VIPAS39: variants seen among roughly 807,000 people sequenced by gnomAD.
VIPAS39 encodes the protein spermatogenesis-defective protein 39 homolog.
In VIPAS39, 63 loss-of-function variants were observed where a neutral mutation model predicts 84.7. That is an observed-to-expected ratio of 0.74 (90% CI 0.61 to 0.92). The LOEUF (loss-of-function observed/expected upper bound fraction) is 0.92. VIPAS39 is among the 40% of genes least tolerant of loss of function. The pLI is 0.00. For missense variants in VIPAS39, 499 were observed against 604.5 expected, an observed-to-expected ratio of 0.83 and a Z score of 1.83; for synonymous variants, 192 against 216.5, an observed-to-expected ratio of 0.89 and a Z score of 0.99.
intron 16 of VIPAS39, among the ~76,000 whole-genome samples, chr14:77,431,423 G>C (rs778998368): frequency 2.0e-5 from 3 of 152,168 alleles, no homozygotes; most frequent in Non-Finnish European, 2.9e-5. Context: ...TACATGAAAA[G>C]GTGATCAGTA....
intron 3 of VIPAS39, among the ~76,000 whole-genome samples, chr14:77,451,715 C>T (rs977844948): frequency 6.6e-6 from 1 of 152,076 alleles, no homozygotes; most frequent in African/African-American, 2.4e-5. Context: ...CCATCCATCG[C>T]CACTACCCTC....
At chr14:77,437,959 T>C (rs983399107) in intron 11 of VIPAS39, 78 bp from the exon 12 acceptor site, 7 of 1,466,366 alleles carry the variant, frequency 4.8e-6, no homozygotes, top group African/African-American at 1.4e-5. Flanking sequence ...GAACTTCCCA[T>C]GCTTTAAAAA....
intron 7 of VIPAS39, 22 bp downstream of exon 7, chr14:77,448,472 C>T (rs1406641710): frequency 6.2e-7 from 1 of 1,613,862 alleles, no homozygotes; most frequent in East Asian, 2.2e-5. Flanking sequence ...CAAAGAACCT[C>T]ACAAAAATTC....
At position 77,429,015 on chromosome 14, in the gene VIPAS39, G is replaced by A. The variant is rs747896792; in HGVS notation, c.1347C>T (p.Val449=). Residue 449 remains valine (V), a synonymous_variant, in exon 18 of 20, where the codon GTC becomes GTT. Coordinates refer to ENST00000557658, the MANE Select transcript of VIPAS39 (RefSeq NM_001193315.2). ...NLATKFKCHD[V]VIDTYRDLKD... Reference sequence around the variant, plus strand: ...TTTCTTGGGGACTCACATCAATGACGACATCATGGCACTTGAACTTAGTGG... The same window carrying A: ...TTTCTTGGGGACTCACATCAATGACAACATCATGGCACTTGAACTTAGTGG... The A allele has an allele frequency of 5.4e-5, 87 of 1,613,600 alleles. No homozygotes were observed. Among genetic ancestry groups the A allele is most frequent in the Non-Finnish European group, 6.8e-5 (80 of 1,179,768 alleles).
chr14:77,454,275 T>C (rs1411920837), intron 1 of VIPAS39, among the ~76,000 whole-genome samples, 173 bp from the exon 2 acceptor site: 1 of 152,212 alleles, frequency 6.6e-6, no homozygotes, highest in Non-Finnish European at 1.5e-5. Flanking sequence ...GGTCTCCAAC[T>C]GATCAAATCA....
intron 8 of VIPAS39, among the ~76,000 whole-genome samples, chr14:77,443,561 C>T (rs554269135): frequency 1.3e-5 from 2 of 151,962 alleles, no homozygotes; most frequent in African/African-American, 4.8e-5. Flanking sequence ...TCAGCTTGGG[C>T]AACATAGCAA....
intron 17 of VIPAS39, 145 bp from the exon 18 acceptor site, chr14:77,429,240 T>C: frequency 1.4e-6 from 1 of 724,626 alleles, no homozygotes; most frequent in Non-Finnish European, 2.4e-6. Flanking sequence ...GGACTAGTTC[T>C]GCAATGGGAA....
Position 77,449,339 on chromosome 14 carries a change from G to A in VIPAS39, c.401C>T (p.Ala134Val), listed in dbSNP as rs200635964. 121 of 1,614,030 alleles carry A rather than the reference G, an allele frequency of 7.5e-5. No individual in the cohort carries two copies. Among genetic ancestry groups the A allele is most frequent in the Non-Finnish European group, 1.0e-4 (120 of 1,180,030 alleles). Residue 134 changes from alanine to valine, a missense_variant, in exon 6 of 20, where the codon GCC becomes GTC. Physicochemically the swap from Ala to Val is moderately conservative, Grantham distance 64. Coordinates refer to ENST00000557658, the MANE Select transcript of VIPAS39 (RefSeq NM_001193315.2). ...SLSDALSDTP[A>V]KSYAPELGRP... ...CCCCAGCTCTGGAGCATAGCTTTTGGCAGGTGTGTCTGACAGAGCTGAAAA... is the reference window on the plus strand; with the variant it reads ...CCCCAGCTCTGGAGCATAGCTTTTGACAGGTGTGTCTGACAGAGCTGAAAA...
intron 14 of VIPAS39, 40 bp downstream of exon 14, chr14:77,435,219 G>T: frequency 6.2e-7 from 1 of 1,613,138 alleles, no homozygotes; most frequent in South Asian, 1.1e-5. Flanking sequence ...TTCTTTTTGT[G>T]CAATGAGAGT....
Position 77,445,200 on chromosome 14 carries a change from C to A in VIPAS39, c.505-859G>T, listed in dbSNP as rs147217924. On this transcript the variant is annotated intron_variant, in intron 7 of 19. Coordinates refer to ENST00000557658, the MANE Select transcript of VIPAS39 (RefSeq NM_001193315.2). ...GGTCTTGATCTCCTGACCCCGTGAT[C>A]CACCTGCCTCAGCCTCCCAAGGTGC... 4.9e-3 allele frequency among the ~76,000 whole-genome samples: 740 copies of A among 152,164 alleles called. 7 individuals are homozygous for A. The highest frequency in any genetic ancestry group is 0.017 in the African/African-American group (711 of 41,508).
At chr14:77,444,593 G>A (rs2139834687) in intron 7 of VIPAS39, among the ~76,000 whole-genome samples, 1 of 152,264 alleles carries the variant, frequency 6.6e-6, no homozygotes, top group East Asian at 1.9e-4. Context: ...TTCTTTTTGA[G>A]ACGGAGTCTT....
chr14:77,448,243 C>G (rs1314255247), intron 7 of VIPAS39, among the ~76,000 whole-genome samples: 1 of 152,186 alleles, frequency 6.6e-6, no homozygotes, highest in Non-Finnish European at 1.5e-5. Context: ...CGTGAGCCAC[C>G]ACCCCTGGCC....
chr14:77,427,603 T>C lies in VIPAS39; in HGVS notation c.*13A>G, dbSNP rs780536785. 8 of 1,614,086 alleles carry C rather than the reference T, an allele frequency of 5.0e-6. No homozygotes were observed. The Admixed American group carries it at 1.0e-4, about 20-fold the overall frequency. ...GGAGGAAATGAGGCAGGCTTCAAGG[T>C]AGTCAATGCCACTTAATTCTTCCAT... On this transcript the variant is annotated 3_prime_UTR_variant, in exon 20 of 20. Coordinates refer to ENST00000557658, the MANE Select transcript of VIPAS39 (RefSeq NM_001193315.2).
Position 77,457,558 on chromosome 14 carries a change from T to C in VIPAS39, c.-64A>G. ...GCCTCCGCCGCCGCTGGACCAGCCC[T>C]TCTATTCAGGCTGTGCAGCTTAGAG... On this transcript the variant is annotated 5_prime_UTR_variant, in exon 1 of 20. Coordinates refer to ENST00000557658, the MANE Select transcript of VIPAS39 (RefSeq NM_001193315.2). The C allele has an allele frequency of 1.6e-6, 1 of 639,206 alleles. No individual in the cohort carries two copies. Among genetic ancestry groups the C allele is most frequent in the Non-Finnish European group, 2.7e-6 (1 of 370,404 alleles). 39.6% of individuals were successfully genotyped at this position (639,206 alleles called of 1,614,324 possible). A position where few individuals can be genotyped will look rare whatever the true frequency, so the allele number is the denominator to read the frequency against.
intron 10 of VIPAS39, among the ~76,000 whole-genome samples, chr14:77,441,866 A>G (rs1331795970): frequency 6.6e-6 from 1 of 152,128 alleles, no homozygotes; most frequent in Non-Finnish European, 1.5e-5. Context: ...ACATATTTTA[A>G]TCCAAAGGTG....
intron 12 of VIPAS39, among the ~76,000 whole-genome samples, chr14:77,437,113 G>A (rs553875407): frequency 9.9e-5 from 15 of 152,280 alleles, no homozygotes; most frequent in Admixed American, 2.6e-4. Flanking sequence ...ATGAAGCCGG[G>A]AAATCATGTC....
chr14:77,429,829 G>T, intron 16 of VIPAS39, 62 bp from the exon 17 acceptor site: 1 of 1,446,566 alleles, frequency 6.9e-7, no homozygotes, highest in South Asian at 1.1e-5. Flanking sequence ...TTCTAGGTTA[G>T]TCTATGTTTT....
chr14:77,452,662 C>T (rs2078899658), intron 3 of VIPAS39, among the ~76,000 whole-genome samples: 1 of 151,754 alleles, frequency 6.6e-6, no homozygotes, highest in Admixed American at 6.6e-5. Flanking sequence ...CACCTTTAAT[C>T]CCAGCTACTA....
Position 77,435,898 on chromosome 14 carries a change from A to T in VIPAS39, c.858T>A (p.Asp286Glu). ...TGTAATGGTCCTGTATGTGTGCGGAATCTTCTGCTGAAAATGGCAAACTGG... is the reference window on the plus strand; with the variant it reads ...TGTAATGGTCCTGTATGTGTGCGGATTCTTCTGCTGAAAATGGCAAACTGG... ...TCVGLPFSAE[D>E]SAHIQDHYTL... is the part of the protein sequence containing the mutation. Residue 286 changes from aspartate (D) to glutamate (E), a missense_variant, in exon 13 of 20, where the codon GAT becomes GAA. Asp to Glu is a conservative substitution (Grantham distance 45, BLOSUM62 2). Transcript: ENST00000557658. 4.3e-6 allele frequency: 7 copies of T among 1,614,192 alleles called. No homozygotes were observed. Among genetic ancestry groups the T allele is most frequent in the Non-Finnish European group, 5.9e-6 (7 of 1,180,014 alleles).
Sources: gnomAD v4.1 joint callset for allele counts (sites outside exome capture counted in the v4.1 genomes callset) on GRCh38, gnomAD v4.1.1 for gene constraint, MANE v1.5 for transcripts, NCBI Gene and HGNC (gene_info 2026-07-23, HGNC 2026-07-21) for gene names.